FLACC1: variants seen among roughly 807,000 people sequenced by gnomAD.
FLACC1 encodes flagellum associated containing coiled-coil domains 1, also known as flagellum-associated coiled-coil domain-containing protein 1.
In FLACC1, 66 loss-of-function variants were observed where a neutral mutation model predicts 62.8. The observed-to-expected ratio is 1.05, with a 90% CI of 0.86 to 1.29. The LOEUF (loss-of-function observed/expected upper bound fraction) is 1.29, where lower values mean the gene tolerates loss of function less well. Ranked by LOEUF, FLACC1 falls within the 50% of genes most tolerant of loss-of-function variation. The pLI, the probability that FLACC1 is intolerant of heterozygous loss-of-function variation, is 0.00. For missense variants in FLACC1, 452 were observed against 489.1 expected (o/e 0.92, Z 0.71); for synonymous variants, 156 against 161.0 (o/e 0.97, Z 0.24).
intron 7 of FLACC1, among the ~76,000 whole-genome samples, chr2:201,337,252 G>A (rs1950714276): frequency 6.6e-6 from 1 of 152,106 alleles, no homozygotes; most frequent in Non-Finnish European, 1.5e-5. Flanking sequence ...TTTTCTTCTA[G>A]TATTTTTATA....
At chr2:201,338,042 C>G (rs1445397043) in intron 7 of FLACC1, among the ~76,000 whole-genome samples, 1 of 152,180 alleles carries the variant, frequency 6.6e-6, no homozygotes, top group Non-Finnish European at 1.5e-5. Context: ...GGTGAAATGT[C>G]TTTCCATTTG....
chr2:201,320,240 G>A (rs1178722501), intron 9 of FLACC1, among the ~76,000 whole-genome samples: 1 of 152,358 alleles, frequency 6.6e-6, no homozygotes, highest in East Asian at 1.9e-4. Flanking sequence ...GCCTCCAACT[G>A]GGTTTCATGA....
At chr2:201,342,661 T>C (rs1356930132) in intron 6 of FLACC1, among the ~76,000 whole-genome samples, 1 of 152,268 alleles carries the variant, frequency 6.6e-6, no homozygotes, top group East Asian at 1.9e-4. Flanking sequence ...ACTTATTCAG[T>C]TCATAATGTT....
intron 11 of FLACC1, among the ~76,000 whole-genome samples, chr2:201,305,482 G>C (rs1277734154): frequency 6.6e-6 from 1 of 152,210 alleles, no homozygotes. Flanking sequence ...TTACACTGTT[G>C]GTGGGACTGT....
chr2:201,363,586 G>T, the FLACC1 span, among the ~76,000 whole-genome samples: 1 of 151,900 alleles, frequency 6.6e-6, no homozygotes, highest in Non-Finnish European at 1.5e-5. Flanking sequence ...CATTTTCCTC[G>T]ATCAGCAGTC....
chr2:201,288,825 T>C (rs2125525680), intron 14 of FLACC1, 44 bp from the exon 15 acceptor site: 2 of 1,602,210 alleles, frequency 1.2e-6, no homozygotes, highest in East Asian at 2.2e-5. Flanking sequence ...ACTCAAAAGC[T>C]AGAAAGGGTA....
intron 11 of FLACC1, among the ~76,000 whole-genome samples, chr2:201,300,419 G>A (rs972769215): frequency 9.9e-5 from 15 of 152,154 alleles, no homozygotes; most frequent in South Asian, 2.1e-4. Flanking sequence ...TAAACAAAGC[G>A]GCTGGAAAGC....
At chr2:201,296,432 T>C (rs1390622071) in intron 12 of FLACC1, among the ~76,000 whole-genome samples, 1 of 146,748 alleles carries the variant, frequency 6.8e-6, no homozygotes, top group Non-Finnish European at 1.5e-5. Context: ...AAACACCACA[T>C]GTTCTTGCTC....
At chr2:201,314,009 A>AG (rs1204791645) in intron 9 of FLACC1, among the ~76,000 whole-genome samples, 1 of 152,212 alleles carries the variant, frequency 6.6e-6, no homozygotes, top group Non-Finnish European at 1.5e-5. Flanking sequence ...CCCTAGGAAA[A>AG]GGGGGAGAGT....
At chr2:201,315,197 C>T (rs1455734435) in intron 9 of FLACC1, among the ~76,000 whole-genome samples, 1 of 152,062 alleles carries the variant, frequency 6.6e-6, no homozygotes, top group Non-Finnish European at 1.5e-5. Context: ...GGAATGGTAC[C>T]TCACATCTCA....
rs574880634 is a variant in FLACC1, at chr2:201,288,683, T to A, written c.1241A>T (p.Asp414Val). The change falls in exon 15 of 15, where the codon GAT becomes GTT. Residue 414 changes from aspartate to valine, a missense_variant. By Grantham distance (152) the Asp-to-Val change is radical (BLOSUM62 -3). Coordinates refer to ENST00000392257, the MANE Select transcript of FLACC1 (RefSeq NM_001127391.3). ...VSKDDSDTVQ[D>V]GSKKGQES ...TGATTCTTGTCCTTTCTTGCTACCA[T>A]CTTGCACAGTGTCAGAATCATCCTT... 1.9e-6 allele frequency: 3 copies of A among 1,614,134 alleles called. No homozygotes were observed. The African/African-American group carries it at 4.0e-5, about 22-fold the overall frequency.
intron 11 of FLACC1, among the ~76,000 whole-genome samples, chr2:201,305,929 A>G (rs182926977): frequency 1.5e-5 from 2 of 132,390 alleles, no homozygotes; most frequent in African/African-American, 5.7e-5. Flanking sequence ...CACCAGGGCC[A>G]GTTGTGGGGT....
intron 12 of FLACC1, among the ~76,000 whole-genome samples, chr2:201,291,297 T>C (rs1440487434): frequency 6.6e-6 from 1 of 152,150 alleles, no homozygotes; most frequent in Non-Finnish European, 1.5e-5. Context: ...GACTGACACA[T>C]CACACGGCTG....
intron 3 of FLACC1, among the ~76,000 whole-genome samples, chr2:201,349,826 T>C (rs1461707567): frequency 6.6e-6 from 1 of 152,206 alleles, no homozygotes; most frequent in Non-Finnish European, 1.5e-5. Flanking sequence ...CATCAAGCTT[T>C]GGGCTCCAGG....
intron 7 of FLACC1, among the ~76,000 whole-genome samples, chr2:201,341,773 C>T (rs1267878178): frequency 6.6e-6 from 1 of 152,130 alleles, no homozygotes; most frequent in Non-Finnish European, 1.5e-5. Context: ...AACTTGTTCA[C>T]CCTACATATT....
intron 7 of FLACC1, among the ~76,000 whole-genome samples, chr2:201,338,514 T>C (rs1950740866): frequency 6.6e-6 from 1 of 152,196 alleles, no homozygotes; most frequent in Non-Finnish European, 1.5e-5. Context: ...TTTTCCCTGT[T>C]CAGTATGATG....
intron 10 of FLACC1, 51 bp from the exon 11 acceptor site, chr2:201,307,673 G>A: frequency 7.6e-7 from 1 of 1,322,636 alleles, no homozygotes; most frequent in Non-Finnish European, 1.1e-6. Context: ...GGAAAAGCAG[G>A]TGCAATGAGA....
intron 9 of FLACC1, among the ~76,000 whole-genome samples, chr2:201,315,323 A>T (rs928488673): frequency 6.6e-6 from 1 of 152,172 alleles, no homozygotes; most frequent in Non-Finnish European, 1.5e-5. Context: ...CACCTAACAC[A>T]TAAGAACTCA....
At chr2:201,334,915 C>T (rs1950664123) in intron 7 of FLACC1, among the ~76,000 whole-genome samples, 1 of 152,082 alleles carries the variant, frequency 6.6e-6, no homozygotes, top group Non-Finnish European at 1.5e-5. Context: ...AGTAAAGGCA[C>T]CAGGTCTGGG....
Sources: gnomAD v4.1 joint callset for allele counts (sites outside exome capture counted in the v4.1 genomes callset) on GRCh38, gnomAD v4.1.1 for gene constraint, MANE v1.5 for transcripts, NCBI Gene and HGNC (gene_info 2026-07-23, HGNC 2026-07-21) for gene names.